The following ILK variants were observed in gnomAD, a reference collection of about 807,000 sequenced individuals.
The protein encoded by ILK is scaffold protein ILK.
A neutral mutation model predicts 57.8 loss-of-function variants in ILK; 37 were observed. The observed-to-expected ratio is 0.64, with a 90% CI of 0.49 to 0.84. ILK has a LOEUF of 0.84. ILK is among the 40% of genes least tolerant of loss of function. ILK has a pLI of 0.00. For synonymous variants in ILK, 231 were observed against 202.2 expected (o/e 1.14, Z -1.21); for missense variants, 528 against 595.7 (o/e 0.89, Z 1.18).
At chr11:6,604,066 C>G (rs572956380) in intron 1 of ILK, 114 bp from the exon 2 acceptor site, 14 of 626,980 alleles carry the variant, frequency 2.2e-5, no homozygotes, top group Admixed American at 7.3e-5. Context: ...TACCTCGCGT[C>G]TAGAGGACAC....
At position 6,609,001 on chromosome 11, in the gene ILK, A is replaced by T. The variant is rs1855217832; in HGVS notation, c.532+34A>T. On this transcript the variant is annotated intron_variant, in intron 6 of 12. Coordinates refer to ENST00000299421, the MANE Select transcript of ILK (RefSeq NM_004517.4). ...CCACTGTGGGAAGAAGGGTTGTAAA[A>T]GGAAATAATCCTGGCCTCTTGGGGC... 6.8e-6 allele frequency: 11 copies of T among 1,613,688 alleles called. 1 individual carries two copies. In the South Asian group the frequency reaches 9.9e-5, roughly 14 times the overall value.
rs760749828 is a variant in ILK at position 6,608,468 on chromosome 11, G to A, written c.330G>A (p.Trp110Ter). The change falls in exon 4 of 13, where the codon TGG becomes TGA. Residue 110 changes from tryptophan (W) to a stop codon, truncating the protein, a stop_gained. Transcript: ENST00000299421. LOFTEE classifies it high-confidence loss of function. The surrounding 1 kb of genome is among the most constrained non-coding windows in gnomAD (Gnocchi z 4.9). ...TGCCCCTGCACTATGCCTGTTTTTG[G>A]GGCCAAGATCAAGTGGCAGAGGTGA... is the stretch of plus-strand genomic sequence containing the variant. ...GNVPLHYACF[W>*]GQDQVAEDLV... is the part of the protein sequence containing the mutation. 4.3e-6 allele frequency: 7 copies of A among 1,613,996 alleles called. No homozygotes were observed. The highest frequency in any genetic ancestry group is 5.9e-6 in the Non-Finnish European group (7 of 1,179,872).
At chr11:6,604,417 A>G (rs1854615462) in intron 2 of ILK, 57 bp downstream of exon 2, 1 of 1,458,098 alleles carries the variant, frequency 6.9e-7, no homozygotes. Flanking sequence ...GGCTACGTGG[A>G]GTGGAGTGCT....
rs769692488 is a variant in ILK, at chr11:6,608,866, G to C, written c.449-18G>C. ...CTTCTCCCTCTGTACCACAGCTTAG[G>C]TTGTTTTTCTTCCCTAGAGCGGGCA... is the stretch of plus-strand genomic sequence containing the variant. On this transcript the variant is annotated intron_variant, in intron 5 of 12. Coordinates refer to ENST00000299421, the MANE Select transcript of ILK (RefSeq NM_004517.4). This position sits in a 1 kb window ranked among gnomAD's most constrained non-coding sequence, Gnocchi z 4.9. 2.5e-6 allele frequency: 4 copies of C among 1,613,878 alleles called. No individual in the cohort carries two copies. In the East Asian group the frequency reaches 8.9e-5, roughly 36 times the overall value.
chr11:6,610,465 G>A lies in ILK; in HGVS notation c.1213G>A (p.Ala405Thr). The change falls in exon 13 of 13, where the codon GCA (alanine) becomes ACA (threonine). Residue 405 changes from alanine (A) to threonine (T), a missense_variant. Coordinates refer to ENST00000299421, the MANE Select transcript of ILK (RefSeq NM_004517.4). Reference sequence around the variant, plus strand: ...GCTTTTTTTCTTGTATTCGCAGGTGGCATTGGAAGGCCTTCGGCCTACCAT... The same window carrying A: ...GCTTTTTTTCTTGTATTCGCAGGTGACATTGGAAGGCCTTCGGCCTACCAT... ...LSNMEIGMKV[A>T]LEGLRPTIPP... The A allele has an allele frequency of 6.2e-7, 1 of 1,614,216 alleles. No homozygotes were observed. Among genetic ancestry groups the A allele is most frequent in the East Asian group, 2.2e-5 (1 of 44,884 alleles).
Position 6,604,015 on chromosome 11 carries a change from C to CA in ILK, c.-92-164dup, listed in dbSNP as rs1447432826. 13 of 589,284 alleles carry CA rather than the reference C, an allele frequency of 2.2e-5. No homozygotes were observed. In the East Asian group the frequency reaches 3.7e-4, roughly 17 times the overall value. The allele number at this position is 589,284 out of a possible 1,614,324, so 36.5% of individuals were successfully genotyped here. Reference sequence around the variant, plus strand: ...TGCTCTCGGACATCCGTTCAGCAGACACTACCTCTTCGTCACCCCCTGCCC... The same window carrying CA: ...TGCTCTCGGACATCCGTTCAGCAGACAACTACCTCTTCGTCACCCCCTGCCC... On this transcript the variant is annotated intron_variant, in intron 1 of 12. Transcript: ENST00000299421.
At chr11:6,606,998 TA>T (rs899997768) in intron 2 of ILK, 3 of 152,238 alleles carry the variant, frequency 2.0e-5, no homozygotes, top group African/African-American at 7.2e-5. Context: ...GGAAAATGAT[TA>T]ACTTAAAGGC....
chr11:6,608,478 C>G lies in ILK; in HGVS notation c.340C>G (p.Gln114Glu). The G allele has an allele frequency of 1.2e-6, 2 of 1,613,190 alleles. No homozygotes were observed. The highest frequency in any genetic ancestry group is 1.7e-6 in the Non-Finnish European group (2 of 1,179,114). Residue 114 changes from glutamine to glutamate, a missense_variant, in exon 4 of 13, where the codon CAA (glutamine) becomes GAA (glutamate). Physicochemically the swap from Gln to Glu is conservative, Grantham distance 29. Coordinates refer to ENST00000299421, the MANE Select transcript of ILK (RefSeq NM_004517.4). This position sits in a 1 kb window ranked among gnomAD's most constrained non-coding sequence, Gnocchi z 4.9. ...CTATGCCTGTTTTTGGGGCCAAGAT[C>G]AAGTGGCAGAGGTGAGTACTCAGCC... ...LHYACFWGQD[Q>E]VAEDLVANGA...
chr11:6,604,896 A>G (rs1854699241), intron 2 of ILK: 1 of 456,262 alleles, frequency 2.2e-6, no homozygotes, highest in Non-Finnish European at 4.4e-6. Flanking sequence ...AAAGGAGGCA[A>G]TTGCCTAGTT....
intron 2 of ILK, 26 bp downstream of exon 2, chr11:6,604,386 G>C: frequency 6.3e-7 from 1 of 1,577,742 alleles, no homozygotes; most frequent in Non-Finnish European, 8.6e-7. Flanking sequence ...TGGTGGATGA[G>C]AGGAAGGCTA....
Position 6,608,652 on chromosome 11 carries a change from G to C in ILK, c.352-42G>C. 1 of 1,512,060 alleles carries C rather than the reference G, an allele frequency of 6.6e-7. No homozygotes were observed. Among genetic ancestry groups the C allele is most frequent in the South Asian group, 1.1e-5 (1 of 89,070 alleles). The allele number at this position is 1,512,060 out of a possible 1,614,324, so 93.7% of individuals were successfully genotyped here. A position where few individuals can be genotyped will look rare whatever the true frequency, so the allele number is the denominator to read the frequency against. On this transcript the variant is annotated intron_variant, in intron 4 of 12. Coordinates refer to ENST00000299421, the MANE Select transcript of ILK (RefSeq NM_004517.4). The surrounding 1 kb of genome is among the most constrained non-coding windows in gnomAD (Gnocchi z 4.9). ...CATGGTTGGTTCAGTGACTGCCAGC[G>C]AGGTAGCAGTGGCTCTCATCATAAT...
intron 2 of ILK, chr11:6,607,014 C>G (rs764683111): frequency 1.3e-5 from 2 of 152,294 alleles, no homozygotes; most frequent in Non-Finnish European, 2.9e-5. Context: ...AAAGGCCACA[C>G]CCCCCAACCC....
intron 2 of ILK, chr11:6,607,748 G>A (rs1485566854): frequency 2.3e-6 from 1 of 438,930 alleles, no homozygotes; most frequent in African/African-American, 2.0e-5. Context: ...AGATGTTGCA[G>A]AAGGGGTGCA....
chr11:6,605,972 G>A (rs920185847), intron 2 of ILK, among the ~76,000 whole-genome samples: 29 of 152,152 alleles, frequency 1.9e-4, no homozygotes, highest in African/African-American at 6.7e-4. Context: ...TCAGGAGTTC[G>A]AGACCAGCCT....
Position 6,608,808 on chromosome 11 carries a change from C to T in ILK, c.448+18C>T. ...TCTCCGAGGTCCATCTCCCCATCCC[C>T]TAGCTTGTGTCCTCTCGTCCCTTCC... On this transcript the variant is annotated intron_variant, in intron 5 of 12. Transcript: ENST00000299421. This position sits in a 1 kb window ranked among gnomAD's most constrained non-coding sequence, Gnocchi z 4.9. The T allele has an allele frequency of 1.9e-6, 3 of 1,612,926 alleles. No homozygotes were observed. The highest frequency in any genetic ancestry group is 2.5e-6 in the Non-Finnish European group (3 of 1,178,882).
In ILK at chr11:6,608,527, A is replaced by G; in HGVS notation, c.351+38A>G. On this transcript the variant is annotated intron_variant, in intron 4 of 12. Transcript: ENST00000299421. The surrounding 1 kb of genome is among the most constrained non-coding windows in gnomAD (Gnocchi z 4.9). ...CCCTTAATTCCTGAGATGGGTAGGA[A>G]GTAAAGTCTGAGCCTTGGTGGGAGA... The G allele has an allele frequency of 6.4e-7, 1 of 1,552,204 alleles. No individual in the cohort carries two copies. The highest frequency in any genetic ancestry group is 1.4e-5 in the African/African-American group (1 of 73,730).
chr11:6,604,861 T>A (rs753555378), intron 2 of ILK: 1 of 456,616 alleles, frequency 2.2e-6, no homozygotes. Flanking sequence ...AGTATCGTCT[T>A]GGATGCTTTG....
rs1450402578 is a variant in ILK at position 6,608,963 on chromosome 11, G to A, written c.528G>A (p.Arg176=). The A allele has an allele frequency of 1.9e-6, 3 of 1,614,028 alleles. No homozygotes were observed. Among genetic ancestry groups the A allele is most frequent in the Non-Finnish European group, 1.7e-6 (2 of 1,179,986 alleles). ...TCTGGAAGGGGACCACCCGCACTCG[G>A]CCCCGTGAGTCACCACTGTGGGAAG... ...DTFWKGTTRT[R]PRNGTLNKHS... Residue 176 remains arginine, a synonymous_variant, in exon 6 of 13, where the codon CGG becomes CGA. Coordinates refer to ENST00000299421, the MANE Select transcript of ILK (RefSeq NM_004517.4). This position sits in a 1 kb window ranked among gnomAD's most constrained non-coding sequence, Gnocchi z 4.9.
At chr11:6,606,823 G>T (rs2255405) in intron 2 of ILK, 1 of 152,050 alleles carries the variant, frequency 6.6e-6, no homozygotes, top group African/African-American at 2.4e-5. Flanking sequence ...GGCCTGCCCT[G>T]GCGCCACAGG....
Sources: allele counts gnomAD v4.1 joint callset (sites outside exome capture counted in the v4.1 genomes callset), GRCh38; gene constraint gnomAD v4.1.1; non-coding constraint Gnocchi (gnomAD v3.1); transcripts MANE v1.5; gene names NCBI Gene and HGNC (gene_info 2026-07-23, HGNC 2026-07-21).